The following SLC30A8 variants were observed in gnomAD, a reference collection of about 807,000 sequenced individuals.
SLC30A8 encodes solute carrier family 30 member 8.
In SLC30A8, 27 loss-of-function variants were observed where a neutral mutation model predicts 36.9. The observed-to-expected ratio is 0.73, with a 90% CI of 0.54 to 1.01. The LOEUF is 1.01. Ranked by LOEUF, SLC30A8 falls within the 50% of genes least tolerant of loss-of-function variation. The pLI, the probability that SLC30A8 is intolerant of heterozygous loss-of-function variation, is 0.00. For missense variants in SLC30A8, 439 were observed against 452.0 expected, an observed-to-expected ratio of 0.97 and a Z score of 0.26; for synonymous variants, 164 against 172.4, an observed-to-expected ratio of 0.95 and a Z score of 0.38.
chr8:117,085,716 T>A (rs1586485957), intron 2 of SLC30A8, among the ~76,000 whole-genome samples: 2 of 152,306 alleles, frequency 1.3e-5, no homozygotes, highest in South Asian at 4.1e-4. Context: ...AGGTAATAAC[T>A]ATTATTATCT....
chr8:117,172,512 C>T (rs1291367518), intron 7 of SLC30A8, 24 bp from the exon 8 acceptor site: 2 of 1,613,350 alleles, frequency 1.2e-6, no homozygotes, highest in African/African-American at 1.3e-5. Flanking sequence ...CAGTGCTAAT[C>T]TCCCTGTGCT....
At chr8:117,163,786 C>T (rs970232489) in intron 6 of SLC30A8, among the ~76,000 whole-genome samples, 4 of 151,574 alleles carry the variant, frequency 2.6e-5, no homozygotes, top group South Asian at 2.1e-4. Flanking sequence ...AAACACCATG[C>T]GGAGATACTA....
At chr8:117,020,719 G>T (rs2130722352) in intron 1 of SLC30A8, among the ~76,000 whole-genome samples, 1 of 152,104 alleles carries the variant, frequency 6.6e-6, no homozygotes, top group African/African-American at 2.4e-5. Context: ...TTTATTTTTT[G>T]ACTTGGAGAG....
At chr8:117,113,671 G>A (rs1820326032) in intron 2 of SLC30A8, among the ~76,000 whole-genome samples, 1 of 152,132 alleles carries the variant, frequency 6.6e-6, no homozygotes, top group South Asian at 2.1e-4. Flanking sequence ...CATGCAGAGA[G>A]GTTCTAGTGC....
chr8:117,149,844 A>G (rs976790882), intron 2 of SLC30A8, among the ~76,000 whole-genome samples: 4 of 152,172 alleles, frequency 2.6e-5, no homozygotes, highest in African/African-American at 7.2e-5. Context: ...TTTCAGTTTC[A>G]TAGCTGGAGT....
chr8:116,963,088 ATGTAG>A, intron 1 of SLC30A8, among the ~76,000 whole-genome samples: 1 of 152,092 alleles, frequency 6.6e-6, no homozygotes, highest in Non-Finnish European at 1.5e-5. Context: ...GACTTTAAGA[ATGTAG>A]GAAATCTTCA....
At chr8:117,005,184 C>G (rs1307392309) in intron 1 of SLC30A8, among the ~76,000 whole-genome samples, 2 of 152,194 alleles carry the variant, frequency 1.3e-5, no homozygotes, top group Admixed American at 6.5e-5. Context: ...CGTTCCCTCT[C>G]CCTCTGACTC....
chr8:117,066,720 CT>C (rs999154699), intron 2 of SLC30A8, among the ~76,000 whole-genome samples: 6 of 150,090 alleles, frequency 4.0e-5, no homozygotes, highest in African/African-American at 9.8e-5. Flanking sequence ...AAGATGTGTA[CT>C]TTTTTTTTTC....
chr8:116,955,730 A>T (rs867209570), intron 1 of SLC30A8, among the ~76,000 whole-genome samples: 20 of 152,072 alleles, frequency 1.3e-4, no homozygotes, highest in Middle Eastern at 3.4e-3. Context: ...CTCAAAAAAA[A>T]AAAAATAAAA....
chr8:117,066,667 G>A (rs1818180055), intron 2 of SLC30A8, among the ~76,000 whole-genome samples: 1 of 152,082 alleles, frequency 6.6e-6, no homozygotes, highest in African/African-American at 2.4e-5. Context: ...CTCAATCAGT[G>A]TTAGGGAGAT....
At chr8:116,976,834 T>TCTTTTCTTTTC (rs1815044867) in intron 1 of SLC30A8, among the ~76,000 whole-genome samples, 4 of 143,078 alleles carry the variant, frequency 2.8e-5, no homozygotes, top group African/African-American at 1.2e-4. Flanking sequence ...TTTTTTTTTT[T>TCTTTTCTTTTC]TTTTACAGAG....
chr8:117,111,061 G>A (rs948776818), intron 2 of SLC30A8, among the ~76,000 whole-genome samples: 1 of 152,132 alleles, frequency 6.6e-6, no homozygotes, highest in Non-Finnish European at 1.5e-5. Context: ...TCTTAGGAAA[G>A]CTACCTAACT....
rs576355608 is a variant in SLC30A8, at chr8:117,129,748, A to C, written c.-225-5532A>C. Among the ~76,000 whole-genome samples the C allele has an allele frequency of 9.2e-5, 14 of 152,098 alleles. 1 individual carries two copies. In the South Asian group the frequency reaches 2.7e-3, roughly 29 times the overall value. On this transcript the variant is annotated intron_variant, in intron 2 of 10. Coordinates refer to the SLC30A8 transcript ENST00000427715. ...ATAACGTATTATATTTCTGGTGGAGACTCAGAGAATAATCTTTGCTTTAGA... is the reference window on the plus strand; with the variant it reads ...ATAACGTATTATATTTCTGGTGGAGCCTCAGAGAATAATCTTTGCTTTAGA...
chr8:117,027,662 T>G (rs1253138828), intron 1 of SLC30A8, among the ~76,000 whole-genome samples: 6 of 152,182 alleles, frequency 3.9e-5, no homozygotes, highest in Non-Finnish European at 8.8e-5. Flanking sequence ...CTGAGTTGGA[T>G]GCTAACCTAT....
intron 2 of SLC30A8, among the ~76,000 whole-genome samples, chr8:117,057,216 G>C (rs1264973990): frequency 6.6e-6 from 1 of 152,036 alleles, no homozygotes; most frequent in Non-Finnish European, 1.5e-5. Flanking sequence ...AGCTCCCTGA[G>C]ACCATTTAAA....
intron 2 of SLC30A8, among the ~76,000 whole-genome samples, chr8:117,111,992 A>T (rs757039592): frequency 2.0e-5 from 3 of 152,128 alleles, no homozygotes; most frequent in Non-Finnish European, 4.4e-5. Context: ...GTCATCTAAG[A>T]AGAAGGCTGC....
intron 1 of SLC30A8, among the ~76,000 whole-genome samples, chr8:117,010,752 G>A (rs1457581374): frequency 1.3e-5 from 2 of 152,166 alleles, no homozygotes; most frequent in Admixed American, 6.5e-5. Flanking sequence ...GGGAGGCCCC[G>A]GGAAGCTTCC....
intron 1 of SLC30A8, among the ~76,000 whole-genome samples, chr8:116,954,388 T>C (rs1188606668): frequency 1.3e-5 from 2 of 152,098 alleles, no homozygotes; most frequent in African/African-American, 4.8e-5. Flanking sequence ...AAAGAGGAAT[T>C]GGATAGAATC....
upstream of SLC30A8, chr8:116,950,643 A>C (rs1813963487): frequency 6.6e-6 from 1 of 152,198 alleles, no homozygotes. Flanking sequence ...CCTGAATTGA[A>C]TTTCTATAAT....
Sources: gnomAD v4.1 joint callset for allele counts (sites outside exome capture counted in the v4.1 genomes callset) on GRCh38, gnomAD v4.1.1 for gene constraint, MANE v1.5 for transcripts, NCBI Gene and HGNC (gene_info 2026-07-23, HGNC 2026-07-21) for gene names.